Variants in STMN3 observed in about 807,000 individuals in gnomAD.
STMN3 encodes stathmin-3.
A neutral mutation model predicts 23.2 loss-of-function variants in STMN3; 24 were observed. That is an observed-to-expected ratio of 1.03 (90% CI 0.75 to 1.45). STMN3 has a LOEUF of 1.45. Ranked by LOEUF, STMN3 falls within the 40% of genes most tolerant of loss-of-function variation. The pLI, the probability that STMN3 is intolerant of heterozygous loss-of-function variation, is 0.00. For synonymous variants in STMN3, 117 were observed against 103.4 expected, an observed-to-expected ratio of 1.13 and a Z score of -0.80; for missense variants, 235 against 237.6, an observed-to-expected ratio of 0.99 and a Z score of 0.07.
In STMN3 at chr20:63,641,407, AG is replaced by A; in HGVS notation, c.484-11del. On this transcript the variant is annotated splice_polypyrimidine_tract_variant and intron_variant, in intron 4 of 4. Transcript: ENST00000370053. ...CGGCCGCGTGCAGCTCCTGCAGGAC[AG>A]GGGGCGGGAGGGCCTGAGGGCGGGG... The A allele has an allele frequency of 6.6e-7, 1 of 1,525,570 alleles. No individual in the cohort carries two copies. Among genetic ancestry groups the A allele is most frequent in the Non-Finnish European group, 8.9e-7 (1 of 1,127,508 alleles). 94.5% of individuals were successfully genotyped at this position (1,525,570 alleles called of 1,614,324 possible).
chr20:63,647,948 G>GTATGTGTATATA (rs2089828904), intron 1 of STMN3, among the ~76,000 whole-genome samples: 1 of 63,830 alleles, frequency 1.6e-5, no homozygotes, highest in African/African-American at 5.9e-5. Flanking sequence ...GTGTGTGTGT[G>GTATGTGTATATA]TATATATATA....
chr20:63,647,647 T>C lies in STMN3; in HGVS notation c.20-3338A>G, dbSNP rs996216020. 6.6e-5 allele frequency among the ~76,000 whole-genome samples: 9 copies of C among 136,902 alleles called. 1 individual carries two copies. Among genetic ancestry groups the C allele is most frequent in the South Asian group, 2.2e-4 (1 of 4,572 alleles). The allele number at this position is 136,902 out of a possible 152,430, so 89.8% of individuals were successfully genotyped here. On this transcript the variant is annotated intron_variant, in intron 1 of 4. Transcript: ENST00000370053. ...AAACACAAACAAACATATATATATA[T>C]ACATGTATATATATAATATATATAT...
At chr20:63,641,442 G>A (rs756325798) in intron 4 of STMN3, 45 bp from the exon 5 acceptor site, 6 of 1,494,304 alleles carry the variant, frequency 4.0e-6, no homozygotes, top group African/African-American at 2.8e-5. Flanking sequence ...GGGTGGCTTG[G>A]GGCGACTCCG....
Position 63,642,210 on chromosome 20 carries a change from G to A in STMN3, c.381C>T (p.Asn127=). The change falls in exon 4 of 5, where the codon AAC becomes AAT. Residue 127 remains asparagine (N), a synonymous_variant. Transcript: ENST00000370053. The part of the protein sequence containing the change: ...VLHKALEENN[N]FSRQAEEKLN... ...GCTTCTCCTCCGCCTGGCGGCTGAA[G>A]TTGTTATTCTCCTCCAGCGCCTTGT... 1.3e-6 allele frequency: 2 copies of A among 1,563,350 alleles called. No homozygotes were observed. The highest frequency in any genetic ancestry group is 1.2e-5 in the South Asian group (1 of 86,496).
At position 63,642,107 on chromosome 20, in the gene STMN3, CCTT is replaced by C; in HGVS notation, c.481_483del (p.Lys161del). On this transcript the variant is annotated inframe_deletion and splice_region_variant, in exon 4 of 5. Coordinates refer to ENST00000370053, the MANE Select transcript of STMN3 (RefSeq NM_015894.4). ...GCTCCGCCCCGGCCCCGCCCCCGCA[CCTT>C]CTCGCGCAGCCGCTCGCGCAGTGCG... The C allele has an allele frequency of 2.0e-6, 3 of 1,514,480 alleles. No homozygotes were observed. The highest frequency in any genetic ancestry group is 1.2e-5 in the South Asian group (1 of 81,566). 93.8% of individuals were successfully genotyped at this position (1,514,480 alleles called of 1,614,324 possible).
At chr20:63,649,829 CTTTTT>C (rs953904914) in intron 1 of STMN3, among the ~76,000 whole-genome samples, 2 of 124,826 alleles carry the variant, frequency 1.6e-5, no homozygotes, top group African/African-American at 3.1e-5. Context: ...CGCGCCTGGA[CTTTTT>C]TTTTTTTTTT....
At chr20:63,643,604 TCAGA>T (rs1479851625) in intron 3 of STMN3, 148 bp downstream of exon 3, 1 of 1,350,312 alleles carries the variant, frequency 7.4e-7, no homozygotes, top group African/African-American at 1.5e-5. Context: ...TTCTTATCTC[TCAGA>T]AAGAGGCCCA....
In STMN3 at chr20:63,652,611, G is replaced by A. The variant is rs1017673425; in HGVS notation, c.19+716C>T. 40 of 985,304 alleles carry A rather than the reference G, an allele frequency of 4.1e-5. No homozygotes were observed. The African/African-American group carries it at 5.2e-4, about 13-fold the overall frequency. The allele number at this position is 985,304 out of a possible 1,614,324, so 61.0% of individuals were successfully genotyped here. A position where few individuals can be genotyped will look rare whatever the true frequency, so the allele number is the denominator to read the frequency against. On this transcript the variant is annotated intron_variant, in intron 1 of 4. Coordinates refer to ENST00000370053, the MANE Select transcript of STMN3 (RefSeq NM_015894.4). The surrounding 1 kb of genome is among the most constrained non-coding windows in gnomAD (Gnocchi z 5.3). ...GGGTCCGCCCCGCGGGAGGTGGAGG[G>A]GCGGGAGGGGCGGAGCCCTCTGGTC...
chr20:63,641,481 C>G, intron 4 of STMN3, 84 bp from the exon 5 acceptor site: 2 of 1,151,460 alleles, frequency 1.7e-6, no homozygotes, highest in Non-Finnish European at 2.5e-6. Context: ...GGCCGTGGCG[C>G]CCTGGCACCC....
chr20:63,644,710 C>T (rs543399740), intron 1 of STMN3, among the ~76,000 whole-genome samples: 79 of 152,266 alleles, frequency 5.2e-4, no homozygotes, highest in Non-Finnish European at 8.7e-4. Flanking sequence ...GTGAGGCATT[C>T]GGAGGGAATT....
chr20:63,647,838 A>ATACACG (rs1432669753), intron 1 of STMN3, among the ~76,000 whole-genome samples: 2 of 127,162 alleles, frequency 1.6e-5, no homozygotes, highest in African/African-American at 2.8e-5. Flanking sequence ...ATACGTATAT[A>ATACACG]TGTATATATT....
chr20:63,646,744 G>A lies in STMN3; in HGVS notation c.20-2435C>T, dbSNP rs531731906. 2.6e-5 allele frequency among the ~76,000 whole-genome samples: 4 copies of A among 151,858 alleles called. No individual in the cohort carries two copies. The East Asian group carries it at 5.8e-4, about 22-fold the overall frequency. The stretch of plus-strand genomic sequence containing the variant: ...GGTTCACTGCAGCCTTGAACTTCTG[G>A]GCTTGACGGATCCTGCCATCTTAGC... On this transcript the variant is annotated intron_variant, in intron 1 of 4. Coordinates refer to ENST00000370053, the MANE Select transcript of STMN3 (RefSeq NM_015894.4).
At chr20:63,645,210 T>C (rs1174991414) in intron 1 of STMN3, among the ~76,000 whole-genome samples, 1 of 152,220 alleles carries the variant, frequency 6.6e-6, no homozygotes, top group African/African-American at 2.4e-5. Context: ...GATTTACTCA[T>C]GACGGGACCA....
At position 63,643,787 on chromosome 20, in the gene STMN3, T is replaced by C. The variant is rs1266433946; in HGVS notation, c.260A>G (p.Lys87Arg). The C allele has an allele frequency of 1.8e-5, 28 of 1,554,618 alleles. No homozygotes were observed. The highest frequency in any genetic ancestry group is 2.3e-5 in the Non-Finnish European group (27 of 1,159,314). Residue 87 changes from lysine to arginine, a missense_variant, in exon 3 of 5, where the codon AAG becomes AGG. Coordinates refer to ENST00000370053, the MANE Select transcript of STMN3 (RefSeq NM_015894.4). Reference protein sequence around the residue: ...KKDTSLEELQKRLEAAEERRK... With the variant: ...KKDTSLEELQRRLEAAEERRK... ...CCGCTCCTCGGCTGCCTCCAGCCGC[T>C]TTTGCAGCTCCTCCAGGGAGGTGTC...
chr20:63,643,620 G>A (rs951883448), intron 3 of STMN3, 136 bp downstream of exon 3: 24 of 1,362,200 alleles, frequency 1.8e-5, no homozygotes, highest in Admixed American at 3.7e-5. Flanking sequence ...AGAGGCCCAG[G>A]GAGCCACAGC....
At chr20:63,647,338 C>T (rs187007889) in intron 1 of STMN3, among the ~76,000 whole-genome samples, 24 of 144,792 alleles carry the variant, frequency 1.7e-4, no homozygotes, top group African/African-American at 5.4e-4. Context: ...GTATGGAGGC[C>T]GGGCATGGTG....
At chr20:63,647,307 A>AT (rs2089816584) in intron 1 of STMN3, among the ~76,000 whole-genome samples, 1 of 145,012 alleles carries the variant, frequency 6.9e-6, no homozygotes, top group African/African-American at 2.6e-5. Flanking sequence ...CGTCTCAAAA[A>AT]AAAAAAAAAA....
In STMN3 at chr20:63,643,783, C is replaced by G. The variant is rs777910156; in HGVS notation, c.264G>C (p.Arg88=). The change falls in exon 3 of 5, where the codon CGG becomes CGC. Residue 88 remains arginine, a synonymous_variant. Transcript: ENST00000370053. ...TCCTCCGCTCCTCGGCTGCCTCCAGCCGCTTTTGCAGCTCCTCCAGGGAGG... is the reference window on the plus strand; with the variant it reads ...TCCTCCGCTCCTCGGCTGCCTCCAGGCGCTTTTGCAGCTCCTCCAGGGAGG... ...KDTSLEELQK[R]LEAAEERRKT... 3.2e-6 allele frequency: 5 copies of G among 1,553,864 alleles called. No homozygotes were observed. Among genetic ancestry groups the G allele is most frequent in the Non-Finnish European group, 4.3e-6 (5 of 1,159,132 alleles).
chr20:63,643,067 G>A (rs1375387271), intron 3 of STMN3, among the ~76,000 whole-genome samples: 1 of 152,078 alleles, frequency 6.6e-6, no homozygotes, highest in Non-Finnish European at 1.5e-5. Flanking sequence ...CCGCCCTCCA[G>A]CAAGCCTCAG....
Sources: allele counts gnomAD v4.1 joint callset (sites outside exome capture counted in the v4.1 genomes callset), GRCh38; gene constraint gnomAD v4.1.1; non-coding constraint Gnocchi (gnomAD v3.1); transcripts MANE v1.5; gene names NCBI Gene and HGNC (gene_info 2026-07-23, HGNC 2026-07-21).